The following DYNC2I2 variants were observed in gnomAD, a reference collection of about 807,000 sequenced individuals.
DYNC2I2 encodes cytoplasmic dynein 2 intermediate chain 2.
A neutral mutation model predicts 52.0 loss-of-function variants in DYNC2I2; 39 were observed. The observed-to-expected ratio is 0.75, with a 90% CI of 0.58 to 0.98. DYNC2I2 has a LOEUF of 0.98. DYNC2I2 is among the 50% of genes least tolerant of loss of function. The pLI is 0.00. For missense variants in DYNC2I2, 743 were observed against 728.4 expected, an observed-to-expected ratio of 1.02 and a Z score of -0.23; for synonymous variants, 359 against 321.1, an observed-to-expected ratio of 1.12 and a Z score of -1.26.
At chr9:128,665,947 C>T in the DYNC2I2 span, among the ~76,000 whole-genome samples, 6 of 148,780 alleles carry the variant, frequency 4.0e-5, no homozygotes, top group East Asian at 2.0e-4. Flanking sequence ...TGGTGGCGGG[C>T]GCCTGTAGTC....
At position 128,633,923 on chromosome 9, in the gene DYNC2I2, G is replaced by A; in HGVS notation, c.1432C>T (p.Gln478Ter). Residue 478 changes from glutamine (Q) to a stop codon, truncating the protein, a stop_gained, in exon 9 of 9, where the codon CAA (glutamine) becomes TAA (stop). Transcript: ENST00000372715. LOFTEE classifies it high-confidence loss of function. Reference protein sequence around the residue: ...SSQKPTVLIKQTQDESPVYCL... With the variant: ...SSQKPTVLIK ...TAGACAGGGCTTTCATCCTGGGTTTGCTTGATCAAAACTGTGGGTTTCTGG... is the reference window on the plus strand; with the variant it reads ...TAGACAGGGCTTTCATCCTGGGTTTACTTGATCAAAACTGTGGGTTTCTGG... 6.2e-7 allele frequency: 1 copy of A among 1,613,242 alleles called. No individual in the cohort carries two copies. Among genetic ancestry groups the A allele is most frequent in the Non-Finnish European group, 8.5e-7 (1 of 1,180,036 alleles).
At position 128,656,663 on chromosome 9, in the gene DYNC2I2, C is replaced by A; in HGVS notation, c.64G>T (p.Ala22Ser). Reference protein sequence around the residue: ...QAGSAGVAALATVGVASGPGP... With the variant: ...QAGSAGVAALSTVGVASGPGP... ...GGGCCGCTCGCAACCCCGACTGTCG[C>A]CAGCGCCGCAACACCAGCGCTTCCC... is the stretch of plus-strand genomic sequence containing the variant. Residue 22 changes from alanine (A) to serine (S), a missense_variant, in exon 1 of 9, where the codon GCG becomes TCG. Transcript: ENST00000372715. 6.6e-7 allele frequency: 1 copy of A among 1,511,838 alleles called. No homozygotes were observed. The highest frequency in any genetic ancestry group is 8.8e-7 in the Non-Finnish European group (1 of 1,139,140). The allele number at this position is 1,511,838 out of a possible 1,614,324, so 93.7% of individuals were successfully genotyped here.
At chr9:128,648,642 A>AT (rs1345257256) in intron 1 of DYNC2I2, among the ~76,000 whole-genome samples, 2 of 151,350 alleles carry the variant, frequency 1.3e-5, no homozygotes, top group Non-Finnish European at 3.0e-5. Flanking sequence ...AAAAAAAAAA[A>AT]AAAAAAAATT....
In DYNC2I2 at chr9:128,634,211, G is replaced by T; in HGVS notation, c.1372+15C>A. On this transcript the variant is annotated intron_variant, in intron 8 of 8. Coordinates refer to ENST00000372715, the MANE Select transcript of DYNC2I2 (RefSeq NM_052844.4). ...CACCCCTTAAACAGATCCAGGCCTA[G>T]CGGCCCCTTCCTACCTTTCCCAGAG... 6.2e-7 allele frequency: 1 copy of T among 1,613,266 alleles called. No homozygotes were observed. The highest frequency in any genetic ancestry group is 8.5e-7 in the Non-Finnish European group (1 of 1,179,918).
At chr9:128,655,101 G>C (rs917150753) in intron 1 of DYNC2I2, among the ~76,000 whole-genome samples, 2 of 151,892 alleles carry the variant, frequency 1.3e-5, no homozygotes, top group African/African-American at 4.8e-5. Flanking sequence ...GAGAGGCCTT[G>C]AGCACGCAGC....
At chr9:128,657,173 C>A (rs1860848574), upstream of DYNC2I2, among the ~76,000 whole-genome samples, 1 of 152,196 alleles carries the variant, frequency 6.6e-6, no homozygotes, top group African/African-American at 2.4e-5. Context: ...ACCTCGAAGC[C>A]AAGTGATCTC....
rs1465088121 is a variant in DYNC2I2 at position 128,636,371 on chromosome 9, G to C, written c.613C>G (p.Leu205Val). Residue 205 changes from leucine (L) to valine (V), a missense_variant, in exon 4 of 9, where the codon CTG becomes GTG. Transcript: ENST00000372715. Reference protein sequence around the residue: ...VCAWNLDRRDLRPQQPSAVVE... With the variant: ...VCAWNLDRRDVRPQQPSAVVE... ...ACGGCCGACGGCTGCTGGGGACGCA[G>C]GTCTCGCCGGTCCAGGTTCCAGGCA... 3 of 1,609,466 alleles carry C rather than the reference G, an allele frequency of 1.9e-6. No homozygotes were observed. The highest frequency in any genetic ancestry group is 2.2e-5 in the East Asian group (1 of 44,740).
chr9:128,634,402 G>A lies in DYNC2I2; in HGVS notation c.1215-19C>T, dbSNP rs780794520. ...GAGATTCCTAGACGGGATGCAGGGG[G>A]CCAGGCAAGGGAATCAGTGCTGGGG... On this transcript the variant is annotated intron_variant, in intron 7 of 8. Coordinates refer to ENST00000372715, the MANE Select transcript of DYNC2I2 (RefSeq NM_052844.4). 1.9e-6 allele frequency: 3 copies of A among 1,559,672 alleles called. No individual in the cohort carries two copies. The highest frequency in any genetic ancestry group is 1.7e-6 in the Non-Finnish European group (2 of 1,154,418).
In DYNC2I2 at chr9:128,636,264, C is replaced by T. The variant is rs1301017282; in HGVS notation, c.703+17G>A. 1.3e-6 allele frequency: 2 copies of T among 1,557,192 alleles called. No individual in the cohort carries two copies. The highest frequency in any genetic ancestry group is 2.7e-5 in the African/African-American group (2 of 73,500). Reference sequence around the variant, plus strand: ...GAGTCCTGAGAGGAGAGGAGGCGGACACAGCAGGCAGCTCACCTGCGACGT... The same window carrying T: ...GAGTCCTGAGAGGAGAGGAGGCGGATACAGCAGGCAGCTCACCTGCGACGT... On this transcript the variant is annotated intron_variant, in intron 4 of 8. Coordinates refer to ENST00000372715, the MANE Select transcript of DYNC2I2 (RefSeq NM_052844.4).
chr9:128,634,960 C>T, intron 6 of DYNC2I2, 39 bp from the exon 7 acceptor site: 1 of 1,604,880 alleles, frequency 6.2e-7, no homozygotes, highest in Non-Finnish European at 8.5e-7. Context: ...GAGCCAAGGG[C>T]ATCAGATGGC....
At chr9:128,666,622 C>T in the DYNC2I2 span, among the ~76,000 whole-genome samples, 3 of 151,396 alleles carry the variant, frequency 2.0e-5, no homozygotes, top group Non-Finnish European at 4.4e-5. Flanking sequence ...ATTAGCTGGG[C>T]GTGGTCAGTG....
chr9:128,633,988 AAG>A lies in DYNC2I2; in HGVS notation c.1373-8_1373-7del, dbSNP rs1860271684. The A allele has an allele frequency of 3.1e-6, 5 of 1,612,788 alleles. No individual in the cohort carries two copies. The highest frequency in any genetic ancestry group is 4.2e-6 in the Non-Finnish European group (5 of 1,179,958). On this transcript the variant is annotated splice_polypyrimidine_tract_variant and splice_region_variant and intron_variant, in intron 8 of 8. Coordinates refer to ENST00000372715, the MANE Select transcript of DYNC2I2 (RefSeq NM_052844.4). ...ATCAAACAGCTGCACGTCACCTGCA[AAG>A]AGAGACAGATACGTGGAGTAAGAGA...
the DYNC2I2 span, among the ~76,000 whole-genome samples, chr9:128,677,034 G>A: frequency 6.6e-6 from 1 of 151,654 alleles, no homozygotes; most frequent in East Asian, 1.9e-4. Flanking sequence ...ATTTTTAGTA[G>A]AGATGGGGTT....
intron 5 of DYNC2I2, 61 bp downstream of exon 5, chr9:128,635,597 T>C (rs1860389939): frequency 6.9e-7 from 1 of 1,445,868 alleles, no homozygotes; most frequent in Non-Finnish European, 9.5e-7. Context: ...CCTAGGAGAG[T>C]GGGCGCCCTC....
In DYNC2I2 at chr9:128,656,690, C is replaced by T. The variant is rs1235612644; in HGVS notation, c.37G>A (p.Ala13Thr). The stretch of plus-strand genomic sequence containing the variant: ...AGCGCCGCAACACCAGCGCTTCCCG[C>T]CTGGCTGAGTGGCCCCGGCTGCGCG... The part of the protein sequence containing the change: ...TRAQPGPLSQ[A>T]GSAGVAALAT... The change falls in exon 1 of 9, where the codon GCG (alanine) becomes ACG (threonine). Residue 13 changes from alanine (A) to threonine (T), a missense_variant. Transcript: ENST00000372715. 1.3e-6 allele frequency: 2 copies of T among 1,489,694 alleles called. No individual in the cohort carries two copies. Among genetic ancestry groups the T allele is most frequent in the Middle Eastern group, 2.1e-4 (1 of 4,696 alleles). 92.3% of individuals were successfully genotyped at this position (1,489,694 alleles called of 1,614,324 possible).
rs115526334 is a variant in DYNC2I2 at position 128,643,886 on chromosome 9, G to A, written c.187-2947C>T. Among the ~76,000 whole-genome samples, 939 of 152,264 alleles carry A rather than the reference G, an allele frequency of 6.2e-3. 8 individuals are homozygous for A. Among genetic ancestry groups the A allele is most frequent in the African/African-American group, 0.021 (870 of 41,552 alleles). Reference sequence around the variant, plus strand: ...CCACGGGGAGGCACCAAGTATTCCCGGGGGAGGTCACAAAGCTCTGGAGAG... The same window carrying A: ...CCACGGGGAGGCACCAAGTATTCCCAGGGGAGGTCACAAAGCTCTGGAGAG... On this transcript the variant is annotated intron_variant, in intron 1 of 8. Coordinates refer to ENST00000372715, the MANE Select transcript of DYNC2I2 (RefSeq NM_052844.4).
chr9:128,662,876 T>G, the DYNC2I2 span, among the ~76,000 whole-genome samples: 1 of 151,822 alleles, frequency 6.6e-6, no homozygotes, highest in African/African-American at 2.4e-5. Flanking sequence ...TTTTTTCTTT[T>G]GAGACGGAGT....
chr9:128,637,910 G>T (rs544916430), intron 2 of DYNC2I2, among the ~76,000 whole-genome samples: 2 of 152,110 alleles, frequency 1.3e-5, no homozygotes, highest in Non-Finnish European at 2.9e-5. Context: ...TGACGTTTCA[G>T]ATCTGTTGAC....
chr9:128,644,293 C>T (rs117232603), intron 1 of DYNC2I2, among the ~76,000 whole-genome samples: 7,714 of 132,844 alleles, frequency 0.058, 263 homozygotes, highest in East Asian at 0.15. Flanking sequence ...TTTTTTGAGA[C>T]AGGGTCTCAC....
Sources: gnomAD v4.1 joint callset for allele counts (sites outside exome capture counted in the v4.1 genomes callset) on GRCh38, gnomAD v4.1.1 for gene constraint, MANE v1.5 for transcripts, NCBI Gene and HGNC (gene_info 2026-07-23, HGNC 2026-07-21) for gene names.